RYR1: variants seen among roughly 807,000 people sequenced by gnomAD.
The protein encoded by RYR1 is ryanodine receptor 1.
In RYR1, 342 loss-of-function variants were observed where a neutral mutation model predicts 583.5. That is an observed-to-expected ratio of 0.59 (90% confidence interval 0.54 to 0.64). The LOEUF (loss-of-function observed/expected upper bound fraction) is 0.64. Ranked by LOEUF, RYR1 falls within the 30% of genes least tolerant of loss-of-function variation. RYR1 has a pLI of 0.00. For missense variants in RYR1, 6,032 were observed against 6,917.2 expected, an observed-to-expected ratio of 0.87 and a Z score of 4.54; for synonymous variants, 2,791 against 2,822.5, an observed-to-expected ratio of 0.99 and a Z score of 0.35.
chr19:38,531,999 C>G, intron 76 of RYR1, among the ~76,000 whole-genome samples: 1 of 152,180 alleles, frequency 6.6e-6, no homozygotes, highest in East Asian at 1.9e-4. Context: ...CATGGCCACA[C>G]AGATAAAAGT....
At chr19:38,446,919 C>A in intron 9 of RYR1, 151 bp downstream of exon 9, 1 of 655,518 alleles carries the variant, frequency 1.5e-6, no homozygotes, top group Non-Finnish European at 2.6e-6. Flanking sequence ...ATGAAAATCT[C>A]GGCCAGGCGT....
rs753286582 is a variant in RYR1 at position 38,455,216 on chromosome 19, C to G, written c.1441-19C>G. 1.2e-6 allele frequency: 2 copies of G among 1,614,012 alleles called. No individual in the cohort carries two copies. The highest frequency in any genetic ancestry group is 2.2e-5 in the South Asian group (2 of 91,078). The stretch of plus-strand genomic sequence containing the variant: ...GCCTGGGTCTCCTATTGTGATGCCT[C>G]TTATTTTCCTCATCCTAGGGGATGC... On this transcript the variant is annotated intron_variant, in intron 13 of 105. Coordinates refer to ENST00000359596, the MANE Select transcript of RYR1 (RefSeq NM_000540.3).
At chr19:38,562,222 C>T (rs1973177961) in intron 90 of RYR1, among the ~76,000 whole-genome samples, 1 of 152,130 alleles carries the variant, frequency 6.6e-6, no homozygotes, top group South Asian at 2.1e-4. Context: ...CAGACCTACT[C>T]TCTAATCTGA....
intron 37 of RYR1, among the ~76,000 whole-genome samples, chr19:38,492,204 A>G (rs556207369): frequency 3.2e-4 from 48 of 152,112 alleles, no homozygotes; most frequent in African/African-American, 1.1e-3. Context: ...CTCTACAGAA[A>G]AAGATACAAA....
chr19:38,447,215 A>C (rs1289883307), intron 9 of RYR1, among the ~76,000 whole-genome samples: 6 of 132,220 alleles, frequency 4.5e-5, no homozygotes, highest in African/African-American at 1.7e-4. Context: ...ACAGAGCAAG[A>C]TCCTGTCTCA....
intron 78 of RYR1, among the ~76,000 whole-genome samples, chr19:38,534,028 GAC>G (rs1480289764): frequency 7.8e-6 from 1 of 128,708 alleles, no homozygotes; most frequent in East Asian, 2.3e-4. Flanking sequence ...TTTTTTTTGA[GAC>G]AGAGTCTCGC....
rs200370774 is a variant in RYR1 at position 38,509,454 on chromosome 19, T to TA, written c.8933-1044_8933-1043insA. ...AGTATTATTATTATTATTATTATTTTTTTTTTTTTTTTTTTTGAGACGGAG... is the reference window on the plus strand; with the variant it reads ...AGTATTATTATTATTATTATTATTTTATTTTTTTTTTTTTTTTGAGACGGAG... On this transcript the variant is annotated intron_variant, in intron 58 of 105. Coordinates refer to ENST00000359596, the MANE Select transcript of RYR1 (RefSeq NM_000540.3). 5.8e-3 allele frequency among the ~76,000 whole-genome samples: 628 copies of TA among 109,078 alleles called. 4 individuals carry two copies. The highest frequency in any genetic ancestry group is 0.02 in the African/African-American group (533 of 26,642). 71.6% of individuals were successfully genotyped at this position (109,078 alleles called of 152,430 possible). A position where few individuals can be genotyped will look rare whatever the true frequency, so the allele number is the denominator to read the frequency against.
chr19:38,495,615 G>A (rs1202344746), intron 39 of RYR1, among the ~76,000 whole-genome samples: 1 of 152,144 alleles, frequency 6.6e-6, no homozygotes, highest in Admixed American at 6.5e-5. Flanking sequence ...CCAAAGGGCT[G>A]GAATTACAAG....
chr19:38,517,435 G>A lies in RYR1; in HGVS notation c.9762G>A (p.Gly3254=). 6.2e-7 allele frequency: 1 copy of A among 1,614,060 alleles called. No homozygotes were observed. The highest frequency in any genetic ancestry group is 8.5e-7 in the Non-Finnish European group (1 of 1,180,008). Residue 3254 remains glycine (G), a synonymous_variant, in exon 66 of 106, where the codon GGG becomes GGA. Coordinates refer to ENST00000359596, the MANE Select transcript of RYR1 (RefSeq NM_000540.3). The stretch of plus-strand genomic sequence containing the variant: ...TGGAGCGGCTCATGGCAGACATTGG[G>A]GGGCTGGCCGAGTCAGGTGCCCGCT... ...PVLERLMADI[G]GLAESGARYT...
intron 37 of RYR1, among the ~76,000 whole-genome samples, chr19:38,491,015 G>C (rs1253711321): frequency 1.3e-5 from 2 of 152,232 alleles, no homozygotes; most frequent in African/African-American, 2.4e-5. Context: ...TAGATGGAAG[G>C]ATGAAGAGAA....
intron 34 of RYR1, among the ~76,000 whole-genome samples, chr19:38,488,034 C>CT (rs1444149148): frequency 1.3e-5 from 2 of 152,162 alleles, no homozygotes; most frequent in Non-Finnish European, 2.9e-5. Flanking sequence ...CCACTGCAGT[C>CT]TTAAACTCCT....
chr19:38,501,538 G>A (rs2163823), intron 47 of RYR1, among the ~76,000 whole-genome samples: 51,051 of 152,012 alleles, frequency 0.34, 9,276 homozygotes, highest in African/African-American at 0.46. Context: ...GGTACTGTGG[G>A]CACACAGAAC....
At chr19:38,457,441 C>A in intron 16 of RYR1, 56 bp from the exon 17 acceptor site, 1 of 1,613,724 alleles carries the variant, frequency 6.2e-7, no homozygotes, top group Non-Finnish European at 8.5e-7. Context: ...CAGGGTTCTT[C>A]TGTAGATCCT....
Position 38,489,288 on chromosome 19 carries a change from G to C in RYR1, c.5659G>C (p.Glu1887Gln), listed in dbSNP as rs553067567. ...EEDEEEEGEE[E>Q]DEEEKEEDEE... ...GGACGAGGAGGAAGAGGGTGAAGAG[G>C]AAGATGAGGAGGAGAAGGAGGAGGA... The change falls in exon 35 of 106, where the codon GAA becomes CAA. Residue 1887 changes from glutamate to glutamine, a missense_variant. Glu to Gln is a conservative substitution (Grantham distance 29). This residue lies in a region of RYR1 where 2,627 missense variants were observed against 2,961.3 expected (regional missense o/e 0.89). Transcript: ENST00000359596. 4.5e-5 allele frequency: 72 copies of C among 1,605,746 alleles called. 1 individual carries two copies. The South Asian group carries it at 7.9e-4, about 18-fold the overall frequency.
At chr19:38,454,098 G>A (rs145743312) in intron 13 of RYR1, among the ~76,000 whole-genome samples, 8,685 of 152,198 alleles carry the variant, frequency 0.057, 298 homozygotes, top group Middle Eastern at 0.095. Context: ...GTGCAGTGGT[G>A]TGATCTTGGC....
At chr19:38,578,283 G>C (rs2145889634) in intron 99 of RYR1, 79 bp downstream of exon 99, 2 of 1,468,608 alleles carry the variant, frequency 1.4e-6, no homozygotes, top group African/African-American at 1.4e-5. Flanking sequence ...GGGTGTTCCT[G>C]ACCAAAGAAT....
At chr19:38,530,162 C>T (rs568040256) in intron 76 of RYR1, among the ~76,000 whole-genome samples, 14 of 152,234 alleles carry the variant, frequency 9.2e-5, no homozygotes, top group African/African-American at 3.4e-4. Flanking sequence ...CCATGTTGGC[C>T]ATGCTTGTCT....
At chr19:38,508,002 G>C (rs1313015822) in intron 58 of RYR1, among the ~76,000 whole-genome samples, 175 bp downstream of exon 58, 2 of 152,078 alleles carry the variant, frequency 1.3e-5, no homozygotes. Flanking sequence ...CAGCAGTGAA[G>C]ATGACAAATG....
At chr19:38,504,107 A>G in intron 49 of RYR1, 113 bp from the exon 50 acceptor site, 7 of 1,068,384 alleles carry the variant, frequency 6.6e-6, no homozygotes, top group South Asian at 1.4e-5. Context: ...CATAACCCAC[A>G]CCTCCTTCAT....
Sources: allele counts gnomAD v4.1 joint callset (sites outside exome capture counted in the v4.1 genomes callset), GRCh38; gene constraint gnomAD v4.1.1; regional missense constraint gnomAD v4.1.1; transcripts MANE v1.5; gene names NCBI Gene and HGNC (gene_info 2026-07-23, HGNC 2026-07-21).